The following ZC3H12B variants were observed in gnomAD, a reference collection of about 807,000 sequenced individuals.
ZC3H12B encodes zinc finger CCCH-type containing 12B, also known as probable ribonuclease ZC3H12B.
ZC3H12B carries 7 observed loss-of-function variants against 43.9 expected under a neutral mutation model. That is an observed-to-expected ratio of 0.16 (90% CI 0.09 to 0.30). The LOEUF (loss-of-function observed/expected upper bound fraction) is 0.30, where lower values mean the gene tolerates loss of function less well. ZC3H12B is among the 10% of genes least tolerant of loss of function. The probability of loss-of-function intolerance (pLI) is 1.00; values close to 1 mark genes in which losing one functional copy is unlikely to be tolerated. For missense variants in ZC3H12B, 475 were observed against 670.2 expected (o/e 0.71, Z 3.22); for synonymous variants, 222 against 241.7 (o/e 0.92, Z 0.76).
At chrX:65,391,861 C>T in intron 2 of ZC3H12B, among the ~76,000 whole-genome samples, 1 of 111,377 alleles carries the variant, frequency 9.0e-6, no homozygotes, top group East Asian at 2.8e-4. Context: ...ACTGCAACCT[C>T]CCTGCCTGAT....
the ZC3H12B span, among the ~76,000 whole-genome samples, chrX:65,150,003 A>G: frequency 9.1e-6 from 1 of 109,884 alleles, no homozygotes; most frequent in African/African-American, 3.3e-5. Context: ...AACTATTACC[A>G]TAACAACTTA....
In ZC3H12B at chrX:65,388,470, G is replaced by T. The variant is rs187346217; in HGVS notation, n.296-10123G>T. ...CTTGTGCATTCATCACGTAGTTCTCGTGCCTTGGTATTCAGCTCCATCATG... is the reference window on the plus strand; with the variant it reads ...CTTGTGCATTCATCACGTAGTTCTCTTGCCTTGGTATTCAGCTCCATCATG... On this transcript the variant is annotated intron_variant and non_coding_transcript_variant, in intron 2 of 5. Coordinates refer to the ZC3H12B transcript ENST00000617377. Among the ~76,000 whole-genome samples the T allele has an allele frequency of 5.0e-3, 559 of 111,890 alleles. 4 individuals are homozygous for T. The highest frequency in any genetic ancestry group is 9.1e-3 in the Non-Finnish European group (483 of 53,160).
chrX:65,104,719 C>T, the ZC3H12B span, among the ~76,000 whole-genome samples: 5 of 111,675 alleles, frequency 4.5e-5, no homozygotes, highest in East Asian at 8.5e-4. Context: ...CATCTCACAC[C>T]ATTTAGAATG....
intron 1 of ZC3H12B, among the ~76,000 whole-genome samples, chrX:65,368,057 T>G (rs2066196482): frequency 8.9e-6 from 1 of 112,398 alleles, no homozygotes; most frequent in Admixed American, 9.4e-5. Context: ...AAACATTTTT[T>G]GAACCACCTA....
intron 2 of ZC3H12B, 79 bp from the exon 8 acceptor site, chrX:65,498,920 T>C (rs1158060535): frequency 9.8e-6 from 8 of 817,896 alleles, no homozygotes; most frequent in African/African-American, 2.1e-5. Flanking sequence ...TACCAACTTT[T>C]GCATTTTTAA....
chrX:65,257,717 AAAAC>A, the ZC3H12B span, among the ~76,000 whole-genome samples: 8 of 111,334 alleles, frequency 7.2e-5, 1 homozygote, highest in African/African-American at 2.0e-4. Flanking sequence ...AGAACTACAA[AAAAC>A]AAACAAAAAA....
chrX:65,289,272 C>T, the ZC3H12B span, among the ~76,000 whole-genome samples: 1 of 110,354 alleles, frequency 9.1e-6, no homozygotes, highest in Non-Finnish European at 1.9e-5. Flanking sequence ...ACAAACAGAG[C>T]CTGAATAGCC....
chrX:65,266,416 C>A, the ZC3H12B span, among the ~76,000 whole-genome samples: 2 of 112,062 alleles, frequency 1.8e-5, no homozygotes, highest in African/African-American at 6.5e-5. Flanking sequence ...GGGCTGACAT[C>A]ACTGGAAATA....
chrX:65,227,307 A>T, the ZC3H12B span, among the ~76,000 whole-genome samples: 3 of 111,854 alleles, frequency 2.7e-5, no homozygotes, highest in Non-Finnish European at 5.6e-5. Context: ...AAATGAAGGC[A>T]GAAATAAAGA....
At chrX:65,184,186 A>G in the ZC3H12B span, among the ~76,000 whole-genome samples, 1 of 111,559 alleles carries the variant, frequency 9.0e-6, no homozygotes, top group Admixed American at 9.7e-5. Context: ...TGTTTGAGGT[A>G]TGTTATCTTG....
At chrX:65,288,964 G>A in the ZC3H12B span, among the ~76,000 whole-genome samples, 2 of 110,380 alleles carry the variant, frequency 1.8e-5, no homozygotes, top group South Asian at 7.6e-4. Context: ...AGCTGAGAAG[G>A]AAATGAAGAA....
chrX:65,095,360 C>A, the ZC3H12B span, among the ~76,000 whole-genome samples: 1 of 111,286 alleles, frequency 9.0e-6, no homozygotes, highest in Non-Finnish European at 1.9e-5. Flanking sequence ...TTGATCCTGA[C>A]AATAGATAAA....
the ZC3H12B span, among the ~76,000 whole-genome samples, chrX:65,251,055 G>A: frequency 1.8e-5 from 2 of 111,931 alleles, no homozygotes; most frequent in Admixed American, 9.5e-5. Context: ...TTCTTCTAGG[G>A]TTTTTATGGT....
the ZC3H12B span, among the ~76,000 whole-genome samples, chrX:65,146,357 T>G: frequency 8.9e-6 from 1 of 111,907 alleles, no homozygotes; most frequent in Non-Finnish European, 1.9e-5. Context: ...GCTATTTCCT[T>G]GAATATTTCT....
chrX:65,422,602 A>G (rs1201135305), intron 3 of ZC3H12B, among the ~76,000 whole-genome samples: 3 of 110,674 alleles, frequency 2.7e-5, no homozygotes, highest in African/African-American at 9.9e-5. Context: ...TTTGTTACAT[A>G]GGTATACACG....
At chrX:65,111,619 T>C in the ZC3H12B span, among the ~76,000 whole-genome samples, 1 of 110,258 alleles carries the variant, frequency 9.1e-6, no homozygotes, top group Non-Finnish European at 1.9e-5. Flanking sequence ...ATGGGTGCCA[T>C]TTTTCCAAAA....
At chrX:65,241,218 G>A in the ZC3H12B span, among the ~76,000 whole-genome samples, 1 of 112,885 alleles carries the variant, frequency 8.9e-6, no homozygotes, top group Non-Finnish European at 1.9e-5. Context: ...TTTAGGAAGA[G>A]ATCAAAGTTC....
the ZC3H12B span, among the ~76,000 whole-genome samples, chrX:65,341,950 A>G: frequency 9.0e-6 from 1 of 111,630 alleles, no homozygotes; most frequent in Non-Finnish European, 1.9e-5. Flanking sequence ...AAATTCCCCA[A>G]TTAAATGTCA....
the ZC3H12B span, among the ~76,000 whole-genome samples, chrX:65,112,454 C>T: frequency 9.0e-6 from 1 of 111,119 alleles, no homozygotes; most frequent in Non-Finnish European, 1.9e-5. Context: ...TAAAACCCTT[C>T]TATTGGAAGG....
Sources: allele counts gnomAD v4.1 joint callset (sites outside exome capture counted in the v4.1 genomes callset), GRCh38; gene constraint gnomAD v4.1.1; transcripts MANE v1.5; gene names NCBI Gene and HGNC (gene_info 2026-07-23, HGNC 2026-07-21).